MYBPC2: variants seen among roughly 807,000 people sequenced by gnomAD.
MYBPC2 encodes the protein myosin binding protein C2.
A neutral mutation model predicts 137.0 loss-of-function variants in MYBPC2; 122 were observed. The ratio of observed to expected loss-of-function variants is 0.89; its 90% CI spans 0.77 to 1.03. The LOEUF (loss-of-function observed/expected upper bound fraction) is 1.03. Ranked by LOEUF, MYBPC2 falls within the 50% of genes least tolerant of loss-of-function variation. The pLI is 0.00. For synonymous variants in MYBPC2, 626 were observed against 612.3 expected (o/e 1.02, Z -0.33); for missense variants, 1,500 against 1,534.4 (o/e 0.98, Z 0.37).
intron 14 of MYBPC2, 50 bp downstream of exon 14, chr19:50,450,985 C>A: frequency 2.0e-6 from 3 of 1,498,228 alleles, no homozygotes; most frequent in Non-Finnish European, 1.8e-6. Context: ...TCCACCCTCG[C>A]AGACCCAGGG....
chr19:50,464,631 C>G lies in MYBPC2; in HGVS notation c.3415+99C>G. ...GCTGAGCACCGCTGAGATCTGGAGACGAGTGAGACCAGCCCTCTGGGAGGA... is the reference window on the plus strand; with the variant it reads ...GCTGAGCACCGCTGAGATCTGGAGAGGAGTGAGACCAGCCCTCTGGGAGGA... On this transcript the variant is annotated intron_variant, in intron 27 of 27. Transcript: ENST00000357701. 3.1e-6 allele frequency: 4 copies of G among 1,296,644 alleles called. No homozygotes were observed. In the South Asian group the frequency reaches 6.3e-5, roughly 20 times the overall value. 80.3% of individuals were successfully genotyped at this position (1,296,644 alleles called of 1,614,324 possible). A position where few individuals can be genotyped will look rare whatever the true frequency, so the allele number is the denominator to read the frequency against.
At chr19:50,442,086 C>T in intron 8 of MYBPC2, 95 bp from the exon 9 acceptor site, 3 of 1,451,186 alleles carry the variant, frequency 2.1e-6, no homozygotes, top group Middle Eastern at 2.0e-4. Flanking sequence ...CCTTGGAGAG[C>T]CCAGGGCCTG....
At chr19:50,448,074 G>C (rs922271048) in intron 12 of MYBPC2, 151 bp from the exon 13 acceptor site, 1 of 855,052 alleles carries the variant, frequency 1.2e-6, no homozygotes, top group African/African-American at 1.7e-5. Context: ...CACTAGCATG[G>C]GAGCTTCCCG....
intron 18 of MYBPC2, 40 bp from the exon 19 acceptor site, chr19:50,455,068 C>T: frequency 6.4e-7 from 1 of 1,557,066 alleles, no homozygotes; most frequent in Non-Finnish European, 8.7e-7. Context: ...TGCCCCATGC[C>T]CTCCCGTTCC....
chr19:50,456,362 ATCTG>A (rs1568666689), intron 20 of MYBPC2, among the ~76,000 whole-genome samples: 1 of 123,832 alleles, frequency 8.1e-6, no homozygotes, highest in Non-Finnish European at 1.6e-5. Context: ...CCATCCATCC[ATCTG>A]TCCATCCATC....
Position 50,460,026 on chromosome 19 carries a change from T to C in MYBPC2, c.2792-14T>C. On this transcript the variant is annotated splice_polypyrimidine_tract_variant and intron_variant, in intron 23 of 27. Coordinates refer to ENST00000357701, the MANE Select transcript of MYBPC2 (RefSeq NM_004533.4). ...CAAAACCTGGACTGACTTGTCACAC[T>C]TCCCCATTTCCAGAAAAGGCTGGGC... is the stretch of plus-strand genomic sequence containing the variant. 6.4e-7 allele frequency: 1 copy of C among 1,550,798 alleles called. No individual in the cohort carries two copies. The highest frequency in any genetic ancestry group is 8.7e-7 in the Non-Finnish European group (1 of 1,147,024).
chr19:50,454,962 C>T, intron 18 of MYBPC2, 146 bp from the exon 19 acceptor site: 1 of 667,624 alleles, frequency 1.5e-6, no homozygotes, highest in Non-Finnish European at 2.5e-6. Context: ...CCTCTGAATG[C>T]TCTGTGGCCC....
chr19:50,459,163 C>T lies in MYBPC2; in HGVS notation c.2648C>T (p.Thr883Ile). The T allele has an allele frequency of 6.2e-7, 1 of 1,601,824 alleles. No individual in the cohort carries two copies. Among genetic ancestry groups the T allele is most frequent in the Non-Finnish European group, 8.5e-7 (1 of 1,176,164 alleles). ...VWTKGGAPLD[T>I]SRVHVRTSDF... ...ACCAAGGGCGGGGCCCCGCTGGACA[C>T]CTCCCGCGTGCACGTGCGGACCAGC... is the stretch of plus-strand genomic sequence containing the variant. The change falls in exon 23 of 28, where the codon ACC becomes ATC. Residue 883 changes from threonine to isoleucine, a missense_variant. Physicochemically the swap from Thr to Ile is moderately conservative, Grantham distance 89 (BLOSUM62 -1). Coordinates refer to ENST00000357701, the MANE Select transcript of MYBPC2 (RefSeq NM_004533.4).
chr19:50,456,394 A>ATATT (rs1316150572), intron 20 of MYBPC2, among the ~76,000 whole-genome samples: 1 of 144,728 alleles, frequency 6.9e-6, no homozygotes, highest in Non-Finnish European at 1.5e-5. Flanking sequence ...CCATCCATCC[A>ATATT]TCCATCCATC....
intron 1 of MYBPC2, among the ~76,000 whole-genome samples, chr19:50,433,412 GT>G (rs10673735): frequency 1.7e-4 from 25 of 144,478 alleles, no homozygotes; most frequent in Admixed American, 4.1e-4. Context: ...TTGGTTTTTG[GT>G]TTTTTTTTTG....
At chr19:50,452,377 C>T (rs1008655031) in intron 16 of MYBPC2, among the ~76,000 whole-genome samples, 1 of 152,150 alleles carries the variant, frequency 6.6e-6, no homozygotes, top group Non-Finnish European at 1.5e-5. Flanking sequence ...ATTTAGTTAT[C>T]CATTCATCCA....
chr19:50,434,078 C>T (rs2039681188), intron 1 of MYBPC2, among the ~76,000 whole-genome samples: 1 of 151,600 alleles, frequency 6.6e-6, no homozygotes, highest in Non-Finnish European at 1.5e-5. Context: ...ACAAAAATGG[C>T]CCAGTGCGGT....
rs893739168 is a variant in MYBPC2, at chr19:50,435,512, C to T, written c.109+262C>T. On this transcript the variant is annotated intron_variant, in intron 2 of 27. Transcript: ENST00000357701. The surrounding 1 kb of genome is among the most constrained non-coding windows in gnomAD (Gnocchi z 4.8). ...GGCCCCGGTCTCTCTAAACCTCTCC[C>T]GCCCCAAAGGCACATTCAGTGCCCT... Among the ~76,000 whole-genome samples the T allele has an allele frequency of 5.9e-5, 9 of 152,294 alleles. No homozygotes were observed. The highest frequency in any genetic ancestry group is 8.8e-5 in the Non-Finnish European group (6 of 68,004).
chr19:50,460,273 G>T, intron 24 of MYBPC2, 94 bp downstream of exon 24: 1 of 1,469,554 alleles, frequency 6.8e-7, no homozygotes, highest in Non-Finnish European at 9.1e-7. Flanking sequence ...GCAGGGAGGG[G>T]CCCAGAGGCT....
Position 50,443,578 on chromosome 19 carries a change from T to C in MYBPC2, c.987T>C (p.Ala329=). 6.2e-7 allele frequency: 1 copy of C among 1,613,220 alleles called. No homozygotes were observed. Among genetic ancestry groups the C allele is most frequent in the Non-Finnish European group, 8.5e-7 (1 of 1,179,548 alleles). The change falls in exon 10 of 28, where the codon GCT becomes GCC. Residue 329 remains alanine, a synonymous_variant. Transcript: ENST00000357701. ...CGGATGACGCTGCCTATGAAGTAGC[T>C]GTCAAGGATGAGAAGTGTTTCACCG... ...TLADDAAYEV[A]VKDEKCFTEL...
Position 50,443,740 on chromosome 19 carries a change from G to A in MYBPC2, c.1057G>A (p.Glu353Lys), listed in dbSNP as rs2039777209. Reference sequence around the variant, plus strand: ...TCCAGTCCTAATTGTCACACCTCTTGAGGACCAGCAGGTGTTTGTGGGTGA... The same window carrying A: ...TCCAGTCCTAATTGTCACACCTCTTAAGGACCAGCAGGTGTTTGTGGGTGA... The part of the protein sequence containing the change: ...EPPVLIVTPL[E>K]DQQVFVGDRV... Residue 353 changes from glutamate to lysine, a missense_variant, in exon 11 of 28, where the codon GAG becomes AAG. Coordinates refer to ENST00000357701, the MANE Select transcript of MYBPC2 (RefSeq NM_004533.4). 1 of 1,613,822 alleles carries A rather than the reference G, an allele frequency of 6.2e-7. No homozygotes were observed. The highest frequency in any genetic ancestry group is 1.3e-5 in the African/African-American group (1 of 74,916).
In MYBPC2 at chr19:50,464,494, TG is replaced by T. The variant is rs1248003250; in HGVS notation, c.3380del (p.Gly1127AlafsTer47). The T allele has an allele frequency of 6.2e-7, 1 of 1,612,766 alleles. No homozygotes were observed. Among genetic ancestry groups the T allele is most frequent in the African/African-American group, 1.3e-5 (1 of 75,044 alleles). ...TACACCTGCCGGGCCGTCAACGAGC[TG>T]GGCGAGGCGCTGGCTGAGTGCAAGC... is the stretch of plus-strand genomic sequence containing the variant. The part of the protein sequence containing the change: ...GTYTCRAVNE[L>X]GEALAECKLE... On this transcript the variant is annotated frameshift_variant, in exon 27 of 28. Transcript: ENST00000357701. LOFTEE classifies it high-confidence loss of function.
At position 50,460,030 on chromosome 19, in the gene MYBPC2, C is replaced by G. The variant is rs749583247; in HGVS notation, c.2792-10C>G. The G allele has an allele frequency of 9.7e-6, 15 of 1,550,996 alleles. No homozygotes were observed. The South Asian group carries it at 1.8e-4, about 18-fold the overall frequency. ...ACCTGGACTGACTTGTCACACTTCC[C>G]CATTTCCAGAAAAGGCTGGGCCCCC... On this transcript the variant is annotated splice_polypyrimidine_tract_variant and intron_variant, in intron 23 of 27. Coordinates refer to ENST00000357701, the MANE Select transcript of MYBPC2 (RefSeq NM_004533.4).
Position 50,440,873 on chromosome 19 carries a change from C to A in MYBPC2, c.573-7C>A, listed in dbSNP as rs2039747418. 1 of 1,609,210 alleles carries A rather than the reference C, an allele frequency of 6.2e-7. No homozygotes were observed. The highest frequency in any genetic ancestry group is 1.1e-5 in the South Asian group (1 of 90,634). The stretch of plus-strand genomic sequence containing the variant: ...TGATGGCCCCTGTCCGTTCCCCCAC[C>A]CGCCAGGGAGGTGGTGGAGGAGGAG... On this transcript the variant is annotated splice_region_variant and splice_polypyrimidine_tract_variant and intron_variant, in intron 7 of 27. Coordinates refer to ENST00000357701, the MANE Select transcript of MYBPC2 (RefSeq NM_004533.4).
Sources: allele counts gnomAD v4.1 joint callset (sites outside exome capture counted in the v4.1 genomes callset), GRCh38; gene constraint gnomAD v4.1.1; non-coding constraint Gnocchi (gnomAD v3.1); transcripts MANE v1.5; gene names NCBI Gene and HGNC (gene_info 2026-07-23, HGNC 2026-07-21).